Variants in NTF3 observed in about 807,000 individuals in gnomAD.
The protein encoded by NTF3 is neurotrophin-3.
In NTF3, 8 loss-of-function variants were observed where a neutral mutation model predicts 26.3. The ratio of observed to expected loss-of-function variants is 0.30; its 90% confidence interval spans 0.18 to 0.55. The LOEUF (loss-of-function observed/expected upper bound fraction) is 0.55, where lower values mean the gene tolerates loss of function less well. Ranked by LOEUF, NTF3 falls within the 20% of genes least tolerant of loss-of-function variation. The pLI, the probability that NTF3 is intolerant of heterozygous loss-of-function variation, is 0.93. For synonymous variants in NTF3, 154 were observed against 145.5 expected (o/e 1.06, Z -0.42); for missense variants, 276 against 352.9 (o/e 0.78, Z 1.75).
chr12:5,445,461 G>A (rs529352057), intron 1 of NTF3, among the ~76,000 whole-genome samples: 4 of 152,050 alleles, frequency 2.6e-5, no homozygotes, highest in East Asian at 1.9e-4. Flanking sequence ...AAGTGTGTGC[G>A]GCAGAGACCC....
intron 1 of NTF3, among the ~76,000 whole-genome samples, chr12:5,483,341 T>G (rs1565396017): frequency 6.6e-6 from 1 of 152,140 alleles, no homozygotes. Context: ...GCGCACACCT[T>G]CAGGAGACCA....
At chr12:5,437,647 G>C (rs1239833131) in intron 1 of NTF3, among the ~76,000 whole-genome samples, 1 of 152,174 alleles carries the variant, frequency 6.6e-6, no homozygotes, top group African/African-American at 2.4e-5. Flanking sequence ...AGCCTCACCC[G>C]CGGCTGTTTT....
chr12:5,472,825 C>G (rs1940681453), intron 1 of NTF3, among the ~76,000 whole-genome samples: 1 of 152,112 alleles, frequency 6.6e-6, no homozygotes, highest in African/African-American at 2.4e-5. Context: ...TCAGAGCTAG[C>G]CTTTTTGCAT....
chr12:5,479,188 G>A (rs563774582), intron 1 of NTF3, among the ~76,000 whole-genome samples: 6 of 152,300 alleles, frequency 3.9e-5, no homozygotes, highest in African/African-American at 1.2e-4. Flanking sequence ...AAGATTTGCC[G>A]GAGAGAGGAG....
chr12:5,431,896 G>T (rs542494569), upstream of NTF3, among the ~76,000 whole-genome samples: 5 of 151,174 alleles, frequency 3.3e-5, no homozygotes, highest in Admixed American at 6.6e-5. Flanking sequence ...GTTTGGTTTG[G>T]TTTTGTTTTT....
chr12:5,491,239 TG>T (rs1478020152), intron 1 of NTF3, among the ~76,000 whole-genome samples: 1 of 152,154 alleles, frequency 6.6e-6, no homozygotes, highest in Admixed American at 6.5e-5. Context: ...CTCTGTGTTT[TG>T]GGGAGTTCTG....
At chr12:5,455,436 C>T (rs1300633461) in intron 1 of NTF3, among the ~76,000 whole-genome samples, 1 of 152,002 alleles carries the variant, frequency 6.6e-6, no homozygotes, top group Non-Finnish European at 1.5e-5. Flanking sequence ...GGGCTTAGGG[C>T]AGAAGTGCCT....
At chr12:5,459,292 C>T (rs918530825) in intron 1 of NTF3, among the ~76,000 whole-genome samples, 1 of 152,114 alleles carries the variant, frequency 6.6e-6, no homozygotes, top group African/African-American at 2.4e-5. Flanking sequence ...TCTTGGAAAC[C>T]CTATACTCAG....
chr12:5,487,678 G>T (rs573876092), intron 1 of NTF3, among the ~76,000 whole-genome samples: 14 of 152,308 alleles, frequency 9.2e-5, no homozygotes, highest in Non-Finnish European at 1.9e-4. Context: ...TCAGAGCCCT[G>T]AGTTTTAAGT....
intron 1 of NTF3, among the ~76,000 whole-genome samples, chr12:5,435,929 G>C (rs1488713482): frequency 6.6e-6 from 1 of 152,206 alleles, no homozygotes; most frequent in Non-Finnish European, 1.5e-5. Context: ...CTCTTGTGAA[G>C]GGGGTGCCAG....
Position 5,445,702 on chromosome 12 carries a change from G to T in NTF3, c.18+13360G>T, listed in dbSNP as rs561913498. Among the ~76,000 whole-genome samples, 165 of 152,326 alleles carry T rather than the reference G, an allele frequency of 1.1e-3. 1 individual carries two copies. Among genetic ancestry groups the T allele is most frequent in the Admixed American group, 1.9e-3 (29 of 15,302 alleles). Reference sequence around the variant, plus strand: ...GGGTTGGGACAGAAGCTCACGAGGTGAATGCAATGTGCAGCCACGTTGAGA... The same window carrying T: ...GGGTTGGGACAGAAGCTCACGAGGTTAATGCAATGTGCAGCCACGTTGAGA... On this transcript the variant is annotated intron_variant, in intron 1 of 1. Coordinates refer to ENST00000423158, the MANE Select transcript of NTF3 (RefSeq NM_001102654.2).
At chr12:5,447,294 A>C (rs1167953980) in intron 1 of NTF3, among the ~76,000 whole-genome samples, 2 of 152,246 alleles carry the variant, frequency 1.3e-5, no homozygotes. Context: ...AATCTAGAAC[A>C]TGTTTGCAAG....
At chr12:5,482,582 G>C (rs1384567774) in intron 1 of NTF3, among the ~76,000 whole-genome samples, 1 of 152,128 alleles carries the variant, frequency 6.6e-6, no homozygotes, top group Non-Finnish European at 1.5e-5. Context: ...GGCTTCAGAG[G>C]GGCCTTCTCT....
chr12:5,449,588 G>A (rs1364102305), intron 1 of NTF3, among the ~76,000 whole-genome samples: 2 of 152,150 alleles, frequency 1.3e-5, no homozygotes, highest in African/African-American at 2.4e-5. Context: ...TATGGACAGG[G>A]CTTCAGAGAA....
chr12:5,458,990 T>G (rs990834772), intron 1 of NTF3, among the ~76,000 whole-genome samples: 3 of 152,176 alleles, frequency 2.0e-5, no homozygotes, highest in Admixed American at 6.5e-5. Context: ...ACTCTTGACG[T>G]GCCATGGAAA....
chr12:5,432,468 C>T (rs1301935215), intron 1 of NTF3, 126 bp downstream of exon 1: 2 of 1,092,816 alleles, frequency 1.8e-6, no homozygotes, highest in East Asian at 2.5e-5. Flanking sequence ...CCCATCGCGC[C>T]GCGCTCACTC....
chr12:5,458,864 TACAC>T (rs140601450), intron 1 of NTF3, among the ~76,000 whole-genome samples: 15 of 150,184 alleles, frequency 1.0e-4, no homozygotes, highest in Admixed American at 5.3e-4. Flanking sequence ...CAAGCACACA[TACAC>T]ACACACACAC....
Position 5,432,559 on chromosome 12 carries a change from ACACACAC to A in NTF3, c.18+218_18+224del, listed in dbSNP as rs1483776828. The stretch of plus-strand genomic sequence containing the variant: ...AGCGCAACCGCAGCCACCCCGCTAC[ACACACAC>A]ACACACACACACACACACACACACA... On this transcript the variant is annotated intron_variant, in intron 1 of 1. Coordinates refer to ENST00000423158, the MANE Select transcript of NTF3 (RefSeq NM_001102654.2). Among the ~76,000 whole-genome samples, 8 of 734 alleles carry A rather than the reference ACACACAC, an allele frequency of 0.011. No individual in the cohort carries two copies. In the Admixed American group the frequency reaches 0.17, roughly 15 times the overall value. 0.5% of individuals were successfully genotyped at this position (734 alleles called of 152,430 possible). A position where few individuals can be genotyped will look rare whatever the true frequency, so the allele number is the denominator to read the frequency against.
intron 1 of NTF3, among the ~76,000 whole-genome samples, chr12:5,476,435 G>A (rs1940724400): frequency 6.6e-6 from 1 of 152,198 alleles, no homozygotes; most frequent in Non-Finnish European, 1.5e-5. Context: ...TACAGTAAGG[G>A]CTGAGCAGAG....
Sources: allele counts gnomAD v4.1 joint callset (sites outside exome capture counted in the v4.1 genomes callset), GRCh38; gene constraint gnomAD v4.1.1; transcripts MANE v1.5; gene names NCBI Gene and HGNC (gene_info 2026-07-23, HGNC 2026-07-21).